Variants in ZNF160 observed in about 807,000 individuals in gnomAD.
ZNF160 encodes the protein KRAB zinc finger protein KR18.
In ZNF160, 9 loss-of-function variants were observed where a neutral mutation model predicts 13.1. The ratio of observed to expected loss-of-function variants is 0.69; its 90% CI spans 0.41 to 1.20. The LOEUF (loss-of-function observed/expected upper bound fraction) is 1.20, where lower values mean the gene tolerates loss of function less well. ZNF160 is among the 50% of genes most tolerant of loss of function. ZNF160 has a pLI of 0.01. For missense variants in ZNF160, 838 were observed against 988.0 expected, an observed-to-expected ratio of 0.85 and a Z score of 2.04; for synonymous variants, 293 against 333.2, an observed-to-expected ratio of 0.88 and a Z score of 1.31.
At chr19:53,085,023 G>T in intron 3 of ZNF160, 1 of 209,970 alleles carries the variant, frequency 4.8e-6, no homozygotes. Context: ...GCACTATCAT[G>T]GCTCACTGCA....
chr19:53,068,180 C>T lies in ZNF160; in HGVS notation c.2354G>A (p.Gly785Glu). The stretch of plus-strand genomic sequence containing the variant: ...CTCATTACATTTGTAACGCTTTTCT[C>T]CAGTGTGGATTGCCATATGGGTAGT... Reference protein sequence around the residue: ...SLTTHMAIHTGEKRYKCNECG... With the variant: ...SLTTHMAIHTEEKRYKCNECG... Residue 785 changes from glycine to glutamate, a missense_variant, in exon 6 of 6, where the codon GGA becomes GAA. By Grantham distance (98) the Gly-to-Glu change is moderately conservative. Around this residue, in one of 3 missense-constraint regions of ZNF160, gnomAD observed 51 missense variants for 46.9 expected, o/e 1.09. Transcript: ENST00000683776. 6.2e-7 allele frequency: 1 copy of T among 1,614,198 alleles called. No individual in the cohort carries two copies.
chr19:53,080,731 A>T (rs1190957052), intron 3 of ZNF160, among the ~76,000 whole-genome samples: 1 of 152,238 alleles, frequency 6.6e-6, no homozygotes, highest in South Asian at 2.1e-4. Flanking sequence ...TCTAAAATGT[A>T]TATGAAAGCA....
In ZNF160 at chr19:53,066,651, A is replaced by G. The variant is rs535064446; in HGVS notation, c.*1426T>C. The stretch of plus-strand genomic sequence containing the variant: ...ATTCTATTTTATTAGTTAAAACATT[A>G]TATCTATGATACATTCTGAATAAAA... On this transcript the variant is annotated 3_prime_UTR_variant, in exon 6 of 6. Transcript: ENST00000683776. 3.3e-5 allele frequency: 5 copies of G among 152,314 alleles called. No individual in the cohort carries two copies. The highest frequency in any genetic ancestry group is 2.1e-4 in the South Asian group (1 of 4,826). 9.4% of individuals were successfully genotyped at this position (152,314 alleles called of 1,614,324 possible). A position where few individuals can be genotyped will look rare whatever the true frequency, so the allele number is the denominator to read the frequency against.
intron 3 of ZNF160, chr19:53,085,935 C>A: frequency 9.5e-7 from 1 of 1,053,390 alleles, no homozygotes; most frequent in Admixed American, 2.0e-5. Context: ...ATGGTTTACA[C>A]AGCGCTGACA....
chr19:53,069,052 T>C lies in ZNF160; in HGVS notation c.1482A>G (p.Ser494=), dbSNP rs778395721. The change falls in exon 6 of 6, where the codon TCA becomes TCG. Residue 494 remains serine, a synonymous_variant. Coordinates refer to ENST00000683776, the MANE Select transcript of ZNF160 (RefSeq NM_001322131.2). This position sits in a 1 kb window ranked among gnomAD's most constrained non-coding sequence, Gnocchi z 4.4. ...NECSKVFTQN[S]QLANHRRIHT... is the part of the protein sequence containing the mutation. ...GAATTCTTCGATGATTTGCAAGTTG[T>C]GAATTTTGAGTGAAAACCTTGCTGC... 3.1e-6 allele frequency: 5 copies of C among 1,614,178 alleles called. No homozygotes were observed. The highest frequency in any genetic ancestry group is 4.2e-6 in the Non-Finnish European group (5 of 1,180,044).
chr19:53,097,435 C>G (rs1034964018), intron 1 of ZNF160, among the ~76,000 whole-genome samples: 2 of 151,260 alleles, frequency 1.3e-5, no homozygotes, highest in African/African-American at 4.9e-5. Flanking sequence ...CCCACACTCC[C>G]CATATACTTC....
At chr19:53,077,929 A>C (rs10048509) in intron 3 of ZNF160, among the ~76,000 whole-genome samples, 36,906 of 152,032 alleles carry the variant, frequency 0.24, 4,775 homozygotes, top group East Asian at 0.38. Flanking sequence ...TCTAGAGCTG[A>C]AAAACATAAC....
intron 2 of ZNF160, among the ~76,000 whole-genome samples, chr19:53,090,125 A>G (rs922529261): frequency 1.4e-5 from 2 of 147,428 alleles, no homozygotes; most frequent in Non-Finnish European, 3.0e-5. Context: ...GCCTTCCCAT[A>G]CTGTGGTTCT....
intron 5 of ZNF160, among the ~76,000 whole-genome samples, chr19:53,071,187 C>T (rs1001613937): frequency 5.3e-5 from 8 of 151,696 alleles, no homozygotes; most frequent in African/African-American, 1.9e-4. Context: ...CAAAGCAAGA[C>T]TCCGTCAAAA....
At chr19:53,075,738 A>G (rs1296853112) in intron 3 of ZNF160, 3 of 518,982 alleles carry the variant, frequency 5.8e-6, no homozygotes, top group Middle Eastern at 6.4e-4. Flanking sequence ...TCTATAATAA[A>G]TGGGTAAATA....
intron 5 of ZNF160, among the ~76,000 whole-genome samples, chr19:53,072,589 T>C (rs1040653254): frequency 2.0e-5 from 3 of 152,164 alleles, no homozygotes; most frequent in East Asian, 1.9e-4. Context: ...CAGTGGCTCA[T>C]GTCTGTAATC....
intron 3 of ZNF160, among the ~76,000 whole-genome samples, chr19:53,080,968 G>C (rs1731683316): frequency 6.6e-6 from 1 of 152,022 alleles, no homozygotes; most frequent in Admixed American, 6.5e-5. Context: ...TAAACAATGA[G>C]GAAAGGATAC....
chr19:53,097,397 C>T (rs2085276890), intron 1 of ZNF160, among the ~76,000 whole-genome samples: 1 of 148,388 alleles, frequency 6.7e-6, no homozygotes, highest in African/African-American at 2.5e-5. Context: ...TCCCCGTTGC[C>T]CTCTGGACTC....
At chr19:53,099,064 G>A (rs1263453530) in intron 1 of ZNF160, among the ~76,000 whole-genome samples, 2 of 29,346 alleles carry the variant, frequency 6.8e-5, no homozygotes, top group South Asian at 7.8e-4. Context: ...CAACCCCAGA[G>A]CAGGTGCTGC....
At chr19:53,073,946 C>T (rs1048931910) in intron 5 of ZNF160, among the ~76,000 whole-genome samples, 194 bp downstream of exon 5, 2 of 152,132 alleles carry the variant, frequency 1.3e-5, no homozygotes, top group Non-Finnish European at 1.5e-5. Context: ...CCACCATGCC[C>T]GGCTAATTTT....
intron 3 of ZNF160, among the ~76,000 whole-genome samples, chr19:53,083,613 A>C (rs1263816207): frequency 6.6e-6 from 1 of 152,210 alleles, no homozygotes; most frequent in Non-Finnish European, 1.5e-5. Flanking sequence ...TAAAGAATTA[A>C]ACCAAGCCGG....
intron 5 of ZNF160, among the ~76,000 whole-genome samples, chr19:53,070,605 G>A (rs989988320): frequency 6.6e-6 from 1 of 151,958 alleles, no homozygotes; most frequent in Non-Finnish European, 1.5e-5. Flanking sequence ...TAGTAGAGAC[G>A]GGGTTTCACC....
chr19:53,094,486 C>T (rs568101541), intron 1 of ZNF160, among the ~76,000 whole-genome samples: 62 of 152,234 alleles, frequency 4.1e-4, no homozygotes, highest in African/African-American at 1.4e-3. Context: ...AGGGACCATC[C>T]GCTGATGCCC....
intron 1 of ZNF160, among the ~76,000 whole-genome samples, chr19:53,099,701 A>G (rs944010555): frequency 6.6e-6 from 1 of 152,198 alleles, no homozygotes; most frequent in Non-Finnish European, 1.5e-5. Context: ...GCACTCCCCA[A>G]TTCCTAGAAG....
Sources: gnomAD v4.1 joint callset for allele counts (sites outside exome capture counted in the v4.1 genomes callset) on GRCh38, gnomAD v4.1.1 for gene constraint, gnomAD v4.1.1 regional missense constraint, Gnocchi (gnomAD v3.1) non-coding constraint, MANE v1.5 for transcripts, NCBI Gene and HGNC (gene_info 2026-07-23, HGNC 2026-07-21) for gene names.